The following FOXO3 variants were observed in gnomAD, a reference collection of about 807,000 sequenced individuals.
FOXO3 encodes forkhead box protein O3.
FOXO3 carries 4 observed loss-of-function variants against 41.9 expected under a neutral mutation model. The ratio of observed to expected loss-of-function variants is 0.10; its 90% CI spans 0.05 to 0.22. The LOEUF (loss-of-function observed/expected upper bound fraction) is 0.22, where lower values mean the gene tolerates loss of function less well. Ranked by LOEUF, FOXO3 falls within the 10% of genes least tolerant of loss-of-function variation. The pLI is 1.00. For synonymous variants in FOXO3, 318 were observed against 389.3 expected, an observed-to-expected ratio of 0.82 and a Z score of 2.16; for missense variants, 534 against 906.8, an observed-to-expected ratio of 0.59 and a Z score of 5.28.
chr6:108,668,072 A>C (rs10484254), intron 2 of FOXO3, among the ~76,000 whole-genome samples: 1 of 152,202 alleles, frequency 6.6e-6, no homozygotes, highest in African/African-American at 2.4e-5. Context: ...GCTTCTCTCA[A>C]ATTAACTGTC....
At chr6:108,646,490 A>G (rs1284144689) in intron 1 of FOXO3, among the ~76,000 whole-genome samples, 1 of 152,170 alleles carries the variant, frequency 6.6e-6, no homozygotes, top group African/African-American at 2.4e-5. Context: ...CCCAAATCTT[A>G]ATTAAAAACA....
chr6:108,620,550 T>C (rs1283639317), intron 1 of FOXO3, among the ~76,000 whole-genome samples: 2 of 152,230 alleles, frequency 1.3e-5, no homozygotes, highest in South Asian at 2.1e-4. Context: ...GAATGCATGA[T>C]GGTTTTCTGG....
intron 1 of FOXO3, among the ~76,000 whole-genome samples, chr6:108,569,092 A>C (rs1776021612): frequency 6.6e-6 from 1 of 152,192 alleles, no homozygotes; most frequent in Admixed American, 6.5e-5. Context: ...AGTTGTTTGT[A>C]ATGTTCTGCA....
intron 2 of FOXO3, among the ~76,000 whole-genome samples, chr6:108,671,857 T>C (rs145597648): frequency 6.6e-6 from 1 of 152,282 alleles, no homozygotes; most frequent in East Asian, 1.9e-4. Flanking sequence ...GGGTGCTCAT[T>C]AAAGGGGCTG....
intron 1 of FOXO3, among the ~76,000 whole-genome samples, chr6:108,630,145 A>G (rs1582795548): frequency 6.6e-6 from 1 of 152,168 alleles, no homozygotes; most frequent in Admixed American, 6.5e-5. Context: ...TATAGCATGG[A>G]AAGGGGAAGA....
intron 1 of FOXO3, among the ~76,000 whole-genome samples, chr6:108,660,250 C>T (rs1323105867): frequency 6.6e-6 from 1 of 152,160 alleles, no homozygotes; most frequent in Non-Finnish European, 1.5e-5. Flanking sequence ...ATGTTGAGAG[C>T]ATGCTTCATA....
chr6:108,609,625 T>C (rs945613910), intron 1 of FOXO3, among the ~76,000 whole-genome samples: 10 of 152,332 alleles, frequency 6.6e-5, no homozygotes, highest in African/African-American at 2.2e-4. Context: ...AGTTTGTTTC[T>C]CGCTGCATCT....
At chr6:108,615,176 A>C (rs1437170757) in intron 1 of FOXO3, among the ~76,000 whole-genome samples, 1 of 152,088 alleles carries the variant, frequency 6.6e-6, no homozygotes, top group Non-Finnish European at 1.5e-5. Flanking sequence ...GTCTATATTT[A>C]CTCATATATT....
At chr6:108,622,280 A>C (rs890787249) in intron 1 of FOXO3, among the ~76,000 whole-genome samples, 2 of 148,840 alleles carry the variant, frequency 1.3e-5, no homozygotes, top group South Asian at 2.1e-4. Flanking sequence ...AAAAAAAAAA[A>C]GGCAGGGATA....
chr6:108,610,936 A>T (rs1777344397), intron 1 of FOXO3, among the ~76,000 whole-genome samples: 2 of 152,218 alleles, frequency 1.3e-5, no homozygotes, highest in Non-Finnish European at 2.9e-5. Context: ...GAATGTGTAC[A>T]GTTGTATAAC....
At chr6:108,628,273 GT>G (rs751720373) in intron 1 of FOXO3, among the ~76,000 whole-genome samples, 8 of 152,134 alleles carry the variant, frequency 5.3e-5, no homozygotes, top group Non-Finnish European at 1.0e-4. Flanking sequence ...TCAGAATCCA[GT>G]TTTGAAAACA....
At chr6:108,656,419 T>C in intron 1 of FOXO3, 3 of 985,286 alleles carry the variant, frequency 3.0e-6, no homozygotes, top group South Asian at 4.7e-5. Flanking sequence ...ATTTAAGAAA[T>C]TACCAGTTAC....
chr6:108,630,394 G>A (rs1271323310), intron 1 of FOXO3, among the ~76,000 whole-genome samples: 1 of 152,136 alleles, frequency 6.6e-6, no homozygotes. Context: ...GAGAGACTGC[G>A]TTAGACTGGT....
chr6:108,645,884 C>CA (rs2128380885), intron 1 of FOXO3, among the ~76,000 whole-genome samples: 1 of 152,168 alleles, frequency 6.6e-6, no homozygotes, highest in Non-Finnish European at 1.5e-5. Flanking sequence ...TGTGTATACA[C>CA]ACAGAGATAA....
rs557091746 is a variant in FOXO3 at position 108,619,073 on chromosome 6, G to A, written c.622-44382G>A. Among the ~76,000 whole-genome samples the A allele has an allele frequency of 8.3e-4, 127 of 152,266 alleles. 1 individual carries two copies. The highest frequency in any genetic ancestry group is 2.8e-3 in the African/African-American group (116 of 41,558). On this transcript the variant is annotated intron_variant, in intron 1 of 2. Coordinates refer to ENST00000406360, the MANE Select transcript of FOXO3 (RefSeq NM_001455.4). ...TGTTGTCCAATGTCTGAAAACAGTTGTCTTGTGTTTTGCCTGGTTTTCTAG... is the reference window on the plus strand; with the variant it reads ...TGTTGTCCAATGTCTGAAAACAGTTATCTTGTGTTTTGCCTGGTTTTCTAG...
intron 1 of FOXO3, among the ~76,000 whole-genome samples, chr6:108,603,702 CATT>C (rs1411234020): frequency 6.6e-6 from 1 of 152,020 alleles, no homozygotes; most frequent in African/African-American, 2.4e-5. Flanking sequence ...AGGAGGGAAT[CATT>C]GTTGGGGTTT....
intron 1 of FOXO3, among the ~76,000 whole-genome samples, chr6:108,662,077 A>T (rs1389535728): frequency 6.6e-6 from 1 of 151,812 alleles, no homozygotes; most frequent in Non-Finnish European, 1.5e-5. Flanking sequence ...TTGTTCCAGG[A>T]TTCCATCCAG....
intron 1 of FOXO3, among the ~76,000 whole-genome samples, chr6:108,619,773 A>G (rs1159401020): frequency 3.3e-5 from 5 of 152,236 alleles, no homozygotes; most frequent in Admixed American, 3.3e-4. Context: ...AAGAATAAAG[A>G]CCAGACCTAC....
chr6:108,609,832 C>G (rs1376045222), intron 1 of FOXO3, among the ~76,000 whole-genome samples: 1 of 152,176 alleles, frequency 6.6e-6, no homozygotes, highest in Non-Finnish European at 1.5e-5. Context: ...TGCTAACACG[C>G]CTGGAGGACT....
Sources: allele counts gnomAD v4.1 joint callset (sites outside exome capture counted in the v4.1 genomes callset), GRCh38; gene constraint gnomAD v4.1.1; transcripts MANE v1.5; gene names NCBI Gene and HGNC (gene_info 2026-07-23, HGNC 2026-07-21).